The following DERL3 variants were observed in gnomAD, a reference collection of about 807,000 sequenced individuals.
DERL3 encodes the protein derlin 3, also known as derlin-3.
Under a neutral mutation model 23.8 loss-of-function variants are expected in DERL3, and 20 were observed. The observed-to-expected ratio is 0.84, with a 90% CI of 0.59 to 1.22. The LOEUF is 1.22. Ranked by LOEUF, DERL3 falls within the 50% of genes most tolerant of loss-of-function variation. DERL3 has a pLI of 0.00. For missense variants in DERL3, 319 were observed against 304.1 expected (o/e 1.05, Z -0.36); for synonymous variants, 145 against 132.5 (o/e 1.09, Z -0.65).
In DERL3 at chr22:23,838,697, C is replaced by T; in HGVS notation, c.159+14G>A. On this transcript the variant is annotated intron_variant, in intron 2 of 6. Transcript: ENST00000318109. ...GGGTCGGGCCCACAGGTGCGCGGCG[C>T]GGGGCGGCCTCACCTGGAACTTCCG... is the stretch of plus-strand genomic sequence containing the variant. 6.5e-7 allele frequency: 1 copy of T among 1,548,220 alleles called. No homozygotes were observed. Among genetic ancestry groups the T allele is most frequent in the Non-Finnish European group, 8.7e-7 (1 of 1,145,614 alleles).
In DERL3 at chr22:23,834,984, G is replaced by A; in HGVS notation, c.*1885C>T. 6 of 1,517,590 alleles carry A rather than the reference G, an allele frequency of 4.0e-6. No individual in the cohort carries two copies. The highest frequency in any genetic ancestry group is 5.3e-6 in the Non-Finnish European group (6 of 1,135,452). The allele number at this position is 1,517,590 out of a possible 1,614,324, so 94.0% of individuals were successfully genotyped here. A position where few individuals can be genotyped will look rare whatever the true frequency, so the allele number is the denominator to read the frequency against. Reference sequence around the variant, plus strand: ...CACTGCTGGGCTGTCGCCAGCCTGGGTGCAGGAGGGCTGTTCTAGCTCCAG... The same window carrying A: ...CACTGCTGGGCTGTCGCCAGCCTGGATGCAGGAGGGCTGTTCTAGCTCCAG... On this transcript the variant is annotated 3_prime_UTR_variant, in exon 7 of 7. Coordinates refer to ENST00000318109, the MANE Select transcript of DERL3 (RefSeq NM_001002862.3).
At chr22:23,838,070 C>G (rs1203436048) in intron 4 of DERL3, 1 of 1,466,314 alleles carries the variant, frequency 6.8e-7, no homozygotes, top group African/African-American at 1.4e-5. Flanking sequence ...CCAACCACTG[C>G]CTGTCCCTGC....
chr22:23,836,133 C>A lies in DERL3; in HGVS notation c.*736G>T, dbSNP rs892240817. ...CGTCCTCAGCTAAAAAGGGCAGGAACAGAACCTTCCAGAAGTCCCTGCCTC... is the reference window on the plus strand; with the variant it reads ...CGTCCTCAGCTAAAAAGGGCAGGAAAAGAACCTTCCAGAAGTCCCTGCCTC... On this transcript the variant is annotated 3_prime_UTR_variant, in exon 7 of 7. Coordinates refer to ENST00000318109, the MANE Select transcript of DERL3 (RefSeq NM_001002862.3). The A allele has an allele frequency of 1.5e-5, 15 of 985,340 alleles. No homozygotes were observed. The highest frequency in any genetic ancestry group is 1.7e-5 in the Non-Finnish European group (14 of 829,962). 61.0% of individuals were successfully genotyped at this position (985,340 alleles called of 1,614,324 possible).
At chr22:23,837,006 C>T (rs776754528) in intron 6 of DERL3, 44 bp from the exon 7 acceptor site, 76 of 1,611,770 alleles carry the variant, frequency 4.7e-5, no homozygotes, top group Non-Finnish European at 6.4e-5. Flanking sequence ...GCACAGGTCC[C>T]CATCGGTGGG....
At position 23,834,710 on chromosome 22, in the gene DERL3, C is replaced by T. The variant is rs1439266834; in HGVS notation, c.*2159G>A. On this transcript the variant is annotated 3_prime_UTR_variant, in exon 7 of 7. Coordinates refer to ENST00000318109, the MANE Select transcript of DERL3 (RefSeq NM_001002862.3). ...GGTAGCACCTCAGCTCCTCTCAGCT[C>T]CCCTCAGCCTGTTCTCCTTCCAGAC... 7.3e-7 allele frequency: 1 copy of T among 1,372,888 alleles called. No homozygotes were observed. The highest frequency in any genetic ancestry group is 1.4e-5 in the South Asian group (1 of 69,558). The allele number at this position is 1,372,888 out of a possible 1,614,324, so 85.0% of individuals were successfully genotyped here.
rs2030922541 is a variant in DERL3, at chr22:23,834,929, TC to T, written c.*1939del. ...CAGCTGGGGCCTTGCTGCTCTGAAGTCCCCTGCGGAGGGCCCAGTCCTGTGT... is the reference window on the plus strand; with the variant it reads ...CAGCTGGGGCCTTGCTGCTCTGAAGTCCCTGCGGAGGGCCCAGTCCTGTGT... On this transcript the variant is annotated 3_prime_UTR_variant, in exon 7 of 7. Transcript: ENST00000318109. The T allele has an allele frequency of 1.2e-6, 2 of 1,607,826 alleles. No homozygotes were observed.
In DERL3 at chr22:23,836,168, C is replaced by CAGA; in HGVS notation, c.*698_*700dup. 7.1e-6 allele frequency: 7 copies of CAGA among 985,478 alleles called. No homozygotes were observed. The highest frequency in any genetic ancestry group is 8.4e-6 in the Non-Finnish European group (7 of 829,956). 61.0% of individuals were successfully genotyped at this position (985,478 alleles called of 1,614,324 possible). On this transcript the variant is annotated 3_prime_UTR_variant, in exon 7 of 7. Coordinates refer to ENST00000318109, the MANE Select transcript of DERL3 (RefSeq NM_001002862.3). The stretch of plus-strand genomic sequence containing the variant: ...CAGAAGTCCCTGCCTCACCCAGTCT[C>CAGA]AGAACTCTGCTAAGGTGAAAACTTA...
Position 23,834,978 on chromosome 22 carries a change from G to C in DERL3, c.*1891C>G. 6.5e-7 allele frequency: 1 copy of C among 1,538,768 alleles called. No homozygotes were observed. Among genetic ancestry groups the C allele is most frequent in the Non-Finnish European group, 8.7e-7 (1 of 1,145,552 alleles). On this transcript the variant is annotated 3_prime_UTR_variant, in exon 7 of 7. Coordinates refer to ENST00000318109, the MANE Select transcript of DERL3 (RefSeq NM_001002862.3). Reference sequence around the variant, plus strand: ...TGTGGGCACTGCTGGGCTGTCGCCAGCCTGGGTGCAGGAGGGCTGTTCTAG... The same window carrying C: ...TGTGGGCACTGCTGGGCTGTCGCCACCCTGGGTGCAGGAGGGCTGTTCTAG...
chr22:23,837,865 G>A lies in DERL3; in HGVS notation c.328-11C>T. The stretch of plus-strand genomic sequence containing the variant: ...CAGGAGTCCCAGCAGCTGGGCCAGA[G>A]TCAAGGTGCTCCGGTGCAGGCCTCA... On this transcript the variant is annotated splice_polypyrimidine_tract_variant and intron_variant, in intron 4 of 6. Coordinates refer to ENST00000318109, the MANE Select transcript of DERL3 (RefSeq NM_001002862.3). 1 of 1,608,130 alleles carries A rather than the reference G, an allele frequency of 6.2e-7. No individual in the cohort carries two copies. The highest frequency in any genetic ancestry group is 1.3e-5 in the African/African-American group (1 of 74,916).
chr22:23,836,290 A>G lies in DERL3; in HGVS notation c.*579T>C. On this transcript the variant is annotated 3_prime_UTR_variant, in exon 7 of 7. Transcript: ENST00000318109. Reference sequence around the variant, plus strand: ...GGCATCACCAGATGAAAAATGAGGCATACGCCCACCTGTCAGGGTGGCTGA... The same window carrying G: ...GGCATCACCAGATGAAAAATGAGGCGTACGCCCACCTGTCAGGGTGGCTGA... The G allele has an allele frequency of 1.0e-6, 1 of 985,492 alleles. No homozygotes were observed. The highest frequency in any genetic ancestry group is 1.2e-6 in the Non-Finnish European group (1 of 829,940). The allele number at this position is 985,492 out of a possible 1,614,324, so 61.0% of individuals were successfully genotyped here. A position where few individuals can be genotyped will look rare whatever the true frequency, so the allele number is the denominator to read the frequency against.
chr22:23,837,126 G>C lies in DERL3; in HGVS notation c.552C>G (p.Phe184Leu). 6.2e-7 allele frequency: 1 copy of C among 1,614,010 alleles called. No individual in the cohort carries two copies. Among genetic ancestry groups the C allele is most frequent in the Non-Finnish European group, 8.5e-7 (1 of 1,179,926 alleles). Reference sequence around the variant, plus strand: ...GCTGGTTGGGGAAGACGTCCTCCAGGAAGTAGTAGATATGGCCCACCGCAA... The same window carrying C: ...GCTGGTTGGGGAAGACGTCCTCCAGCAAGTAGTAGATATGGCCCACCGCAA... ...LGIAVGHIYY[F>L]LEDVFPNQPG... Residue 184 changes from phenylalanine (F) to leucine (L), a missense_variant, in exon 6 of 7, where the codon TTC becomes TTG. Coordinates refer to ENST00000318109, the MANE Select transcript of DERL3 (RefSeq NM_001002862.3).
At position 23,837,842 on chromosome 22, in the gene DERL3, GGAGTCCCAGCAGCTGGGCCA is replaced by G. The variant is rs747899309; in HGVS notation, c.328-8_339del. 3 of 1,612,158 alleles carry G rather than the reference GGAGTCCCAGCAGCTGGGCCA, an allele frequency of 1.9e-6. No homozygotes were observed. The highest frequency in any genetic ancestry group is 2.5e-6 in the Non-Finnish European group (3 of 1,178,976). On this transcript the variant is annotated splice_acceptor_variant and splice_polypyrimidine_tract_variant and coding_sequence_variant and intron_variant, in exon 5 of 7. Coordinates refer to ENST00000318109, the MANE Select transcript of DERL3 (RefSeq NM_001002862.3). LOFTEE classifies it high-confidence loss of function. ...TGGCCCAGGAAGAACAGGCTGCCCA[GGAGTCCCAGCAGCTGGGCCA>G]GAGTCAAGGTGCTCCGGTGCAGGCC...
At position 23,837,689 on chromosome 22, in the gene DERL3, G is replaced by A; in HGVS notation, c.493C>T (p.Leu165=). Residue 165 remains leucine (L), a synonymous_variant, in exon 5 of 7, where the codon CTG becomes TTG. Transcript: ENST00000318109. ...PWALMGFSLL[L]GNSILVDLLG... ...AGGTCCACGAGGATGGAGTTGCCCA[G>A]CAGCAGCGAGAAGCCCATGAGCGCC... is the stretch of plus-strand genomic sequence containing the variant. 1 of 1,613,802 alleles carries A rather than the reference G, an allele frequency of 6.2e-7. No homozygotes were observed. Among genetic ancestry groups the A allele is most frequent in the Non-Finnish European group, 8.5e-7 (1 of 1,179,896 alleles).
At position 23,835,939 on chromosome 22, in the gene DERL3, A is replaced by C; in HGVS notation, c.*930T>G. On this transcript the variant is annotated 3_prime_UTR_variant, in exon 7 of 7. Transcript: ENST00000318109. ...TGGCTACAACACGGAGGGCAGACTC[A>C]ACAGAGAACAGTGTTGTTACCATGA... is the stretch of plus-strand genomic sequence containing the variant. 1 of 985,494 alleles carries C rather than the reference A, an allele frequency of 1.0e-6. No homozygotes were observed. The highest frequency in any genetic ancestry group is 1.2e-6 in the Non-Finnish European group (1 of 829,952). The allele number at this position is 985,494 out of a possible 1,614,324, so 61.0% of individuals were successfully genotyped here. A position where few individuals can be genotyped will look rare whatever the true frequency, so the allele number is the denominator to read the frequency against.
In DERL3 at chr22:23,837,055, A is replaced by C. The variant is rs913509426; in HGVS notation, c.614+9T>G. On this transcript the variant is annotated intron_variant, in intron 6 of 6. Transcript: ENST00000318109. ...GTGGGGAGAGGGAGGGAGGGCTCTC[A>C]ACACTCACAGGAAGCCAGGGGTCTG... is the stretch of plus-strand genomic sequence containing the variant. 1.2e-5 allele frequency: 20 copies of C among 1,613,664 alleles called. No homozygotes were observed. The East Asian group carries it at 3.8e-4, about 31-fold the overall frequency.
At chr22:23,838,101 C>A in intron 4 of DERL3, 1 of 1,502,296 alleles carries the variant, frequency 6.7e-7, no homozygotes, top group Non-Finnish European at 8.9e-7. Flanking sequence ...CCCGGCTACT[C>A]GCATTCAGGG....
In DERL3 at chr22:23,838,409, G is replaced by A; in HGVS notation, c.270C>T (p.Phe90=). The change falls in exon 4 of 7, where the codon TTC becomes TTT. Residue 90 remains phenylalanine, a synonymous_variant. Coordinates refer to ENST00000318109, the MANE Select transcript of DERL3 (RefSeq NM_001002862.3). ...AGACGAAGTCGGCCGTGCGGCCGCG[G>A]AAGGAGCCCTCTTCCAGCATGCGGC... is the stretch of plus-strand genomic sequence containing the variant. ...RYCRMLEEGS[F]RGRTADFVFM... is the part of the protein sequence containing the mutation. 6.2e-7 allele frequency: 1 copy of A among 1,609,888 alleles called. No individual in the cohort carries two copies. Among genetic ancestry groups the A allele is most frequent in the East Asian group, 2.2e-5 (1 of 44,716 alleles).
rs1568964507 is a variant in DERL3, at chr22:23,834,516, ACAGGTCATGTTCAATTTCTT to A, written c.*2333_*2352del. On this transcript the variant is annotated 3_prime_UTR_variant, in exon 7 of 7. Transcript: ENST00000318109. The stretch of plus-strand genomic sequence containing the variant: ...CAACAGGTCATGTTCAATTTCTTCA[ACAGGTCATGTTCAATTTCTT>A]CAAAGTTTTAACATAAAAATAATGA... 1.0e-5 allele frequency: 7 copies of A among 695,910 alleles called. No homozygotes were observed. Among genetic ancestry groups the A allele is most frequent in the Non-Finnish European group, 1.6e-5 (6 of 381,316 alleles). The allele number at this position is 695,910 out of a possible 1,614,324, so 43.1% of individuals were successfully genotyped here.
intron 5 of DERL3, 180 bp downstream of exon 5, chr22:23,837,479 T>C (rs1325393478): frequency 1.4e-6 from 1 of 696,764 alleles, no homozygotes; most frequent in Non-Finnish European, 2.4e-6. Flanking sequence ...ATGCAAATTA[T>C]GTGGGCCGGC....
Sources: allele counts gnomAD v4.1 joint callset, GRCh38; gene constraint gnomAD v4.1.1; transcripts MANE v1.5; gene names NCBI Gene and HGNC (gene_info 2026-07-23, HGNC 2026-07-21).